ABCB11: variants seen among roughly 807,000 people sequenced by gnomAD.
ABCB11 encodes ATP binding cassette subfamily B member 11.
A neutral mutation model predicts 148.0 loss-of-function variants in ABCB11; 95 were observed. That is an observed-to-expected ratio of 0.64 (90% CI 0.54 to 0.76). The LOEUF is 0.76. ABCB11 is among the 30% of genes least tolerant of loss of function. ABCB11 has a pLI of 0.00. For missense variants in ABCB11, 1,523 were observed against 1,617.8 expected (o/e 0.94, Z 1.01); for synonymous variants, 591 against 555.4 (o/e 1.06, Z -0.90).
At chr2:168,983,299 C>A (rs1185716923) in intron 10 of ABCB11, among the ~76,000 whole-genome samples, 2 of 152,150 alleles carry the variant, frequency 1.3e-5, no homozygotes, top group Non-Finnish European at 2.9e-5. Context: ...CTAAAGCCAA[C>A]TACTGATATC....
At chr2:169,021,164 T>C (rs1282297112) in intron 1 of ABCB11, among the ~76,000 whole-genome samples, 3 of 152,076 alleles carry the variant, frequency 2.0e-5, no homozygotes, top group African/African-American at 4.8e-5. Context: ...AGTTTCACCA[T>C]ATTGGCCAGG....
At chr2:168,953,992 A>G (rs1692678734) in intron 19 of ABCB11, among the ~76,000 whole-genome samples, 1 of 151,666 alleles carries the variant, frequency 6.6e-6, no homozygotes, top group Non-Finnish European at 1.5e-5. Flanking sequence ...CCTAAAATGT[A>G]TACAACCAAA....
chr2:168,949,560 C>A (rs1306034405), intron 19 of ABCB11, among the ~76,000 whole-genome samples: 5 of 151,558 alleles, frequency 3.3e-5, no homozygotes, highest in African/African-American at 1.2e-4. Context: ...GAGTAGTATT[C>A]CATGGTATAT....
intron 13 of ABCB11, among the ~76,000 whole-genome samples, chr2:168,972,509 G>A (rs1429547396): frequency 6.6e-6 from 1 of 151,928 alleles, no homozygotes; most frequent in Non-Finnish European, 1.5e-5. Context: ...CTGTTAAAAA[G>A]CAAGTGAAAC....
intron 15 of ABCB11, 112 bp from the exon 16 acceptor site, chr2:168,969,663 T>C (rs1390282260): frequency 6.5e-5 from 63 of 968,326 alleles, no homozygotes; most frequent in Non-Finnish European, 8.8e-5. Flanking sequence ...CCTGGGAATA[T>C]TCTTAAATAG....
chr2:168,986,050 A>C (rs1003058925), intron 10 of ABCB11, 60 bp downstream of exon 10: 5 of 1,328,784 alleles, frequency 3.8e-6, no homozygotes, highest in Non-Finnish European at 4.0e-6. Context: ...TATCTAATCC[A>C]TGGACTTTTC....
chr2:168,976,432 C>A, intron 12 of ABCB11, 145 bp downstream of exon 12: 1 of 513,828 alleles, frequency 1.9e-6, no homozygotes, highest in Non-Finnish European at 3.5e-6. Flanking sequence ...AAGCCAACAC[C>A]CGAGGATACT....
At chr2:168,949,486 G>C (rs2105920284) in intron 19 of ABCB11, among the ~76,000 whole-genome samples, 1 of 151,678 alleles carries the variant, frequency 6.6e-6, no homozygotes, top group South Asian at 2.1e-4. Flanking sequence ...TTTTCACTTA[G>C]GGTAATGTCC....
intron 1 of ABCB11, among the ~76,000 whole-genome samples, chr2:169,023,786 T>C (rs1695607621): frequency 6.6e-6 from 1 of 152,170 alleles, no homozygotes; most frequent in South Asian, 2.1e-4. Flanking sequence ...TTAACGATAG[T>C]GGTTACCTCT....
Position 168,923,814 on chromosome 2 carries a change from C to A in ABCB11, c.3774G>T (p.Gln1258His). The change falls in exon 28 of 28, where the codon CAG becomes CAT. Residue 1258 changes from glutamine to histidine, a missense_variant. Transcript: ENST00000650372. ...CCTCTCTGGCTTTGTCTAGAGCAAC[C>A]TGCACCGTCTGCAAAGAGAAGATGG... ...ALDTESEKTVQVALDKAREGR... is the reference protein window; with the variant it reads ...ALDTESEKTVHVALDKAREGR... 1 of 1,613,906 alleles carries A rather than the reference C, an allele frequency of 6.2e-7. No individual in the cohort carries two copies. Among genetic ancestry groups the A allele is most frequent in the Non-Finnish European group, 8.5e-7 (1 of 1,179,856 alleles).
chr2:169,019,711 C>T (rs371395181), intron 1 of ABCB11, among the ~76,000 whole-genome samples: 1 of 152,152 alleles, frequency 6.6e-6, no homozygotes, highest in East Asian at 1.9e-4. Flanking sequence ...CAAAATCCAT[C>T]CTAAACACTG....
In ABCB11 at chr2:168,973,833, T is replaced by G; in HGVS notation, c.1316A>C (p.Asn439Thr). Residue 439 changes from asparagine (N) to threonine (T), a missense_variant, in exon 13 of 28, where the codon AAT becomes ACT. By Grantham distance (65) the Asn-to-Thr change is moderately conservative. Coordinates refer to ENST00000650372, the MANE Select transcript of ABCB11 (RefSeq NM_003742.4). ...YPSRPEVKIL[N>T]DLNMVIKPGE... ...TGGTTTAATGACCATGTTGAGGTCA[T>G]TTAGAATCTGGAGAAGAAAGAAAAC... 1 of 1,611,100 alleles carries G rather than the reference T, an allele frequency of 6.2e-7. No individual in the cohort carries two copies. The highest frequency in any genetic ancestry group is 8.5e-7 in the Non-Finnish European group (1 of 1,177,888).
At chr2:168,965,169 T>C (rs935696224) in intron 17 of ABCB11, among the ~76,000 whole-genome samples, 1 of 151,820 alleles carries the variant, frequency 6.6e-6, no homozygotes, top group Non-Finnish European at 1.5e-5. Context: ...TTGTAGACTA[T>C]AGAAAAGAGC....
intron 18 of ABCB11, among the ~76,000 whole-genome samples, chr2:168,962,063 C>A (rs1430213322): frequency 6.6e-6 from 1 of 151,576 alleles, no homozygotes; most frequent in Non-Finnish European, 1.5e-5. Context: ...TTTTATTAAC[C>A]CTTTTCCATT....
At chr2:169,024,026 A>G (rs1433609243) in intron 1 of ABCB11, among the ~76,000 whole-genome samples, 1 of 152,054 alleles carries the variant, frequency 6.6e-6, no homozygotes, top group East Asian at 1.9e-4. Context: ...GGGGAACAAC[A>G]CACACTGGGG....
intron 21 of ABCB11, among the ~76,000 whole-genome samples, chr2:168,937,709 T>C (rs1574407962): frequency 6.6e-6 from 1 of 152,212 alleles, no homozygotes; most frequent in African/African-American, 2.4e-5. Context: ...ATAATTATAT[T>C]TTTGAAGTTG....
At chr2:168,989,846 T>A (rs1020313457) in intron 9 of ABCB11, among the ~76,000 whole-genome samples, 1 of 152,128 alleles carries the variant, frequency 6.6e-6, no homozygotes, top group Non-Finnish European at 1.5e-5. Context: ...TAAATGCTTT[T>A]TCAGCATCTA....
Position 168,996,672 on chromosome 2 carries a change from C to A in ABCB11, c.440G>T (p.Gly147Val). The change falls in exon 6 of 28, where the codon GGA becomes GTA. Residue 147 changes from glycine (G) to valine (V), a missense_variant. Gly to Val is a moderately radical substitution (Grantham distance 109). Coordinates refer to ENST00000650372, the MANE Select transcript of ABCB11 (RefSeq NM_003742.4). ...EMIKFASYYA[G>V]IAVAVLITGY... ...TGTGATAAGTACTGCGACAGCAATT[C>A]CAGCATAGTAACTGGCAAATTTGAT... The A allele has an allele frequency of 6.4e-7, 1 of 1,572,022 alleles. No homozygotes were observed. Among genetic ancestry groups the A allele is most frequent in the Non-Finnish European group, 8.6e-7 (1 of 1,156,360 alleles).
chr2:168,950,658 C>T (rs746838485), intron 19 of ABCB11, among the ~76,000 whole-genome samples: 4 of 151,268 alleles, frequency 2.6e-5, no homozygotes. Context: ...GTTGAGTTCC[C>T]TATAGATTCT....
Sources: gnomAD v4.1 joint callset for allele counts (sites outside exome capture counted in the v4.1 genomes callset) on GRCh38, gnomAD v4.1.1 for gene constraint, MANE v1.5 for transcripts, NCBI Gene and HGNC (gene_info 2026-07-23, HGNC 2026-07-21) for gene names.